FGF13: variants seen among roughly 807,000 people sequenced by gnomAD.
FGF13 encodes the protein fibroblast growth factor homologous factor 2.
A neutral mutation model predicts 19.5 loss-of-function variants in FGF13; 2 were observed. The observed-to-expected ratio is 0.10, with a 90% CI of 0.04 to 0.32. The LOEUF is 0.32. Ranked by LOEUF, FGF13 falls within the 10% of genes least tolerant of loss-of-function variation. The pLI is 1.00. For synonymous variants in FGF13, 72 were observed against 76.9 expected, an observed-to-expected ratio of 0.94 and a Z score of 0.33; for missense variants, 113 against 192.7, an observed-to-expected ratio of 0.59 and a Z score of 2.45.
chrX:138,835,770 G>A (rs765846238), intron 3 of FGF13, among the ~76,000 whole-genome samples: 196 of 112,002 alleles, frequency 1.7e-3, no homozygotes, highest in African/African-American at 6.3e-3. Context: ...AATTCAGTGT[G>A]TTTTTGTAGT....
At chrX:138,932,844 G>A (rs762216098) in intron 1 of FGF13, among the ~76,000 whole-genome samples, 47 of 109,829 alleles carry the variant, frequency 4.3e-4, no homozygotes, top group African/African-American at 1.6e-3. Flanking sequence ...TGGTCTTTAT[G>A]GCTAGTGCCC....
At chrX:138,855,393 A>G (rs188072601), downstream of FGF13, among the ~76,000 whole-genome samples, 13 of 112,176 alleles carry the variant, frequency 1.2e-4, no homozygotes, top group Admixed American at 1.1e-3. Flanking sequence ...GGGGTACAGT[A>G]AGATTGCAAA....
At chrX:138,680,582 T>A (rs1057177551) in intron 3 of FGF13, among the ~76,000 whole-genome samples, 3 of 111,773 alleles carry the variant, frequency 2.7e-5, no homozygotes, top group Non-Finnish European at 3.8e-5. Context: ...GAATCTTTTT[T>A]TCCCCCCAGC....
intron 1 of FGF13, among the ~76,000 whole-genome samples, chrX:138,939,003 C>T (rs1375784150): frequency 2.7e-5 from 3 of 111,989 alleles, no homozygotes; most frequent in Admixed American, 1.9e-4. Context: ...GTCCATTAGG[C>T]GTTGAGAGGC....
rs768446957 is a variant in FGF13 at position 138,771,820 on chromosome X, G to A, written c.218-62892C>T. ...GTCACTGCTAAATTCTGTACAGACT[G>A]TGATAACAAATCCATTTGAAGTGAA... is the stretch of plus-strand genomic sequence containing the variant. On this transcript the variant is annotated intron_variant, in intron 3 of 6. Transcript: ENST00000436198. Among the ~76,000 whole-genome samples, 3 of 109,592 alleles carry A rather than the reference G, an allele frequency of 2.7e-5. No homozygotes were observed. The South Asian group carries it at 1.2e-3, about 43-fold the overall frequency.
At chrX:139,020,230 G>A (rs938858993) in intron 1 of FGF13, among the ~76,000 whole-genome samples, 1 of 111,729 alleles carries the variant, frequency 9.0e-6, no homozygotes, top group Non-Finnish European at 1.9e-5. Context: ...TCTTAAAGCA[G>A]TTCTGCTTTG....
chrX:138,957,453 C>T (rs1164195652), intron 1 of FGF13, among the ~76,000 whole-genome samples: 2 of 111,660 alleles, frequency 1.8e-5, no homozygotes, highest in Non-Finnish European at 3.8e-5. Flanking sequence ...AGCCAGGTAG[C>T]GTGATGCCTC....
intron 1 of FGF13, among the ~76,000 whole-genome samples, chrX:138,932,950 C>T (rs1170421922): frequency 9.0e-6 from 1 of 111,032 alleles, no homozygotes; most frequent in Non-Finnish European, 1.9e-5. Flanking sequence ...TTGTCTAACG[C>T]TAAATTTTAG....
chrX:138,953,448 G>A (rs746467902), intron 1 of FGF13, among the ~76,000 whole-genome samples: 1 of 110,655 alleles, frequency 9.0e-6, no homozygotes, highest in Non-Finnish European at 1.9e-5. Context: ...GGAGGGGGGA[G>A]GGATAGCATT....
At chrX:138,963,807 A>G (rs1228724070) in intron 1 of FGF13, among the ~76,000 whole-genome samples, 1 of 112,088 alleles carries the variant, frequency 8.9e-6, no homozygotes, top group Non-Finnish European at 1.9e-5. Flanking sequence ...AATGTTTAAA[A>G]AAGCAGTGTA....
At chrX:139,132,699 C>T (rs1165090551) in intron 1 of FGF13, among the ~76,000 whole-genome samples, 1 of 112,279 alleles carries the variant, frequency 8.9e-6, no homozygotes, top group African/African-American at 3.2e-5. Context: ...CTAATCTTGA[C>T]TATGGGAATT....
intron 1 of FGF13, among the ~76,000 whole-genome samples, chrX:138,920,724 G>A (rs2091640380): frequency 9.0e-6 from 1 of 111,409 alleles, no homozygotes; most frequent in African/African-American, 3.3e-5. Flanking sequence ...GATAGAGAAA[G>A]GACTGGACGA....
intron 1 of FGF13, chrX:138,990,675 G>A (rs1456479616): frequency 3.6e-5 from 4 of 110,836 alleles, no homozygotes; most frequent in Non-Finnish European, 7.6e-5. Flanking sequence ...GAACAGCACG[G>A]GAAAGACCCG....
At chrX:138,806,727 C>A (rs980687037) in intron 3 of FGF13, 1 of 110,971 alleles carries the variant, frequency 9.0e-6, no homozygotes, top group African/African-American at 3.3e-5. Flanking sequence ...CAGTAGGTAG[C>A]CAATGAGAGG....
At chrX:139,004,264 C>T (rs1028187771) in intron 1 of FGF13, among the ~76,000 whole-genome samples, 1 of 112,777 alleles carries the variant, frequency 8.9e-6, no homozygotes, top group Non-Finnish European at 1.9e-5. Context: ...CAGCCACTGG[C>T]CCGGGTGATA....
chrX:138,993,678 C>T (rs2092028632), intron 1 of FGF13, among the ~76,000 whole-genome samples: 2 of 111,673 alleles, frequency 1.8e-5, no homozygotes, highest in Admixed American at 1.9e-4. Flanking sequence ...ACCAGACAAA[C>T]GAAATTCTCG....
At chrX:138,998,752 C>T (rs1163942909) in intron 1 of FGF13, among the ~76,000 whole-genome samples, 1 of 111,296 alleles carries the variant, frequency 9.0e-6, no homozygotes, top group East Asian at 2.8e-4. Context: ...TTTAACACCC[C>T]ACTGTCAACA....
intron 1 of FGF13, among the ~76,000 whole-genome samples, chrX:138,922,062 TC>T (rs1178015247): frequency 9.2e-6 from 1 of 108,891 alleles, no homozygotes; most frequent in Non-Finnish European, 1.9e-5. Context: ...GCTTAAGGTG[TC>T]AATAGCTGAT....
At chrX:138,737,732 A>G (rs1002709814) in intron 1 of FGF13, among the ~76,000 whole-genome samples, 11 of 111,323 alleles carry the variant, frequency 9.9e-5, no homozygotes, top group African/African-American at 3.6e-4. Context: ...TGTGTGTTTC[A>G]CTCAAATACT....
Sources: gnomAD v4.1 joint callset for allele counts (sites outside exome capture counted in the v4.1 genomes callset) on GRCh38, gnomAD v4.1.1 for gene constraint, MANE v1.5 for transcripts, NCBI Gene and HGNC (gene_info 2026-07-23, HGNC 2026-07-21) for gene names.